RLIG1: variants seen among roughly 807,000 people sequenced by gnomAD.
RLIG1 encodes the protein RNA 5'-phosphate and 3'-OH ligase 1.
At chr12:88,046,744 A>G in the RLIG1 span, 2 of 1,419,156 alleles carry the variant, frequency 1.4e-6, no homozygotes, top group Non-Finnish European at 9.6e-7. Flanking sequence ...TTGAAGAGGT[A>G]CGTTTTCTAG....
chr12:88,047,518 C>T, the RLIG1 span, among the ~76,000 whole-genome samples: 1 of 152,082 alleles, frequency 6.6e-6, no homozygotes, highest in Admixed American at 6.6e-5. Flanking sequence ...CCCCTCTTTT[C>T]ATTACTTCAT....
chr12:88,043,268 T>G, the RLIG1 span, among the ~76,000 whole-genome samples: 2 of 152,188 alleles, frequency 1.3e-5, no homozygotes, highest in East Asian at 3.9e-4. Context: ...CTGTAGTAGA[T>G]ACTCATTGTA....
At chr12:88,046,186 A>G in the RLIG1 span, among the ~76,000 whole-genome samples, 1 of 152,166 alleles carries the variant, frequency 6.6e-6, no homozygotes, top group Admixed American at 6.5e-5. Context: ...AATATATATC[A>G]TGATGAATTG....
the RLIG1 span, chr12:88,048,139 AC>A: frequency 1.1e-6 from 1 of 903,896 alleles, no homozygotes; most frequent in Non-Finnish European, 1.5e-6. Flanking sequence ...GTGGAGTCTT[AC>A]CCAGTACCTG....
At chr12:88,038,793 A>T in the RLIG1 span, among the ~76,000 whole-genome samples, 1 of 152,192 alleles carries the variant, frequency 6.6e-6, no homozygotes, top group African/African-American at 2.4e-5. Flanking sequence ...AAAGTCTGTG[A>T]TCTGTTATGT....
chr12:88,036,104 T>C, the RLIG1 span: 1 of 1,334,272 alleles, frequency 7.5e-7, no homozygotes, highest in South Asian at 1.2e-5. Context: ...TTTACTACTT[T>C]TCAAGAGTGC....
At chr12:88,048,259 G>T in the RLIG1 span, 1 of 1,583,568 alleles carries the variant, frequency 6.3e-7, no homozygotes. Context: ...CTTGGCTTAT[G>T]CTGGCCAATT....
At chr12:88,047,570 T>C in the RLIG1 span, among the ~76,000 whole-genome samples, 1 of 152,102 alleles carries the variant, frequency 6.6e-6, no homozygotes, top group Non-Finnish European at 1.5e-5. Flanking sequence ...TCTATGTACT[T>C]CTTCCCAACT....
At chr12:88,046,308 A>C in the RLIG1 span, among the ~76,000 whole-genome samples, 1 of 152,168 alleles carries the variant, frequency 6.6e-6, no homozygotes, top group Admixed American at 6.5e-5. Flanking sequence ...GATCAAAAGA[A>C]GACTGCCAGG....
At chr12:88,049,009 T>TA in the RLIG1 span, 1 of 418,054 alleles carries the variant, frequency 2.4e-6, no homozygotes, top group Non-Finnish European at 4.2e-6. Flanking sequence ...AGTATATACT[T>TA]TTATAATAAG....
At chr12:88,048,652 A>T in the RLIG1 span, 39 of 301,840 alleles carry the variant, frequency 1.3e-4, no homozygotes, top group African/African-American at 1.7e-4. Flanking sequence ...CTAAGCTTGG[A>T]CAAAGGCTGG....
the RLIG1 span, chr12:88,049,578 T>C: frequency 1.9e-6 from 1 of 529,408 alleles, no homozygotes; most frequent in Non-Finnish European, 3.3e-6. Flanking sequence ...CATTGTACAG[T>C]GTAAATAACT....
At chr12:88,037,615 C>T in the RLIG1 span, among the ~76,000 whole-genome samples, 1 of 152,290 alleles carries the variant, frequency 6.6e-6, no homozygotes, top group South Asian at 2.1e-4. Context: ...TTGAAACCAG[C>T]ATCATAAGTT....
the RLIG1 span, chr12:88,048,129 G>A: frequency 2.8e-6 from 2 of 721,446 alleles, no homozygotes; most frequent in Non-Finnish European, 4.0e-6. Context: ...GTAAGATAAA[G>A]TGGAGTCTTA....
the RLIG1 span, among the ~76,000 whole-genome samples, chr12:88,036,503 C>G: frequency 3.3e-5 from 5 of 152,182 alleles, no homozygotes; most frequent in African/African-American, 1.2e-4. Flanking sequence ...GTCTTCTGGA[C>G]TAAAACTTGT....
At chr12:88,048,419 A>T in the RLIG1 span, 1 of 1,361,978 alleles carries the variant, frequency 7.3e-7, no homozygotes, top group Non-Finnish European at 1.0e-6. Flanking sequence ...TATTTGATGT[A>T]TAAAATGCAA....
At chr12:88,048,302 T>TATC in the RLIG1 span, 6 of 1,603,272 alleles carry the variant, frequency 3.7e-6, no homozygotes, top group African/African-American at 8.1e-5. Flanking sequence ...GACCAGTTAT[T>TATC]ATCAACATGA....
chr12:88,041,415 A>G, the RLIG1 span, among the ~76,000 whole-genome samples: 1 of 152,180 alleles, frequency 6.6e-6, no homozygotes, highest in Non-Finnish European at 1.5e-5. Flanking sequence ...ACAGGCATGA[A>G]CAGATATCTG....
chr12:88,040,762 T>C, the RLIG1 span, among the ~76,000 whole-genome samples: 1 of 150,624 alleles, frequency 6.6e-6, no homozygotes, highest in Non-Finnish European at 1.5e-5. Flanking sequence ...ATAGAAATTG[T>C]CAGTCATTTT....
Sources: gnomAD v4.1 joint callset for allele counts (sites outside exome capture counted in the v4.1 genomes callset) on GRCh38, gnomAD v4.1.1 for gene constraint, MANE v1.5 for transcripts, NCBI Gene and HGNC (gene_info 2026-07-23, HGNC 2026-07-21) for gene names.